The following NID2 variants were observed in gnomAD, a reference collection of about 807,000 sequenced individuals.
NID2 encodes nidogen-2.
In NID2, 83 loss-of-function variants were observed where a neutral mutation model predicts 145.4. That is an observed-to-expected ratio of 0.57 (90% CI 0.48 to 0.69). The LOEUF is 0.69. Among genes scored for constraint, NID2 ranks in the 30% least tolerant of loss-of-function variants. NID2 has a pLI of 0.00. For missense variants in NID2, 1,807 were observed against 1,765.7 expected (o/e 1.02, Z -0.42); for synonymous variants, 739 against 701.3 (o/e 1.05, Z -0.85).
In NID2 at chr14:52,005,300, T is replaced by C. The variant is rs1890722124; in HGVS notation, c.*186A>G. ...CAATAACAACCTTCATTTTTAAAAA[T>C]ACAGTAGTAAAGATTGAGGTATCAG... On this transcript the variant is annotated 3_prime_UTR_variant, in exon 22 of 22. Coordinates refer to ENST00000216286, the MANE Select transcript of NID2 (RefSeq NM_007361.4). The C allele has an allele frequency of 4.6e-6, 2 of 433,550 alleles. No individual in the cohort carries two copies. Among genetic ancestry groups the C allele is most frequent in the Non-Finnish European group, 8.0e-6 (2 of 251,222 alleles). 26.9% of individuals were successfully genotyped at this position (433,550 alleles called of 1,614,324 possible).
chr14:52,023,896 T>C (rs929995091), intron 12 of NID2, among the ~76,000 whole-genome samples: 14 of 152,142 alleles, frequency 9.2e-5, no homozygotes, highest in African/African-American at 3.4e-4. Context: ...CCACACCCCC[T>C]TATTGTTAGT....
chr14:52,011,919 G>A (rs1792382996), intron 16 of NID2: 1 of 474,436 alleles, frequency 2.1e-6, no homozygotes, highest in East Asian at 3.7e-5. Flanking sequence ...GCAAAATGAG[G>A]CCAATAGTGT....
rs572159857 is a variant in NID2, at chr14:52,060,150, A to G, written c.741T>C (p.Thr247=). Residue 247 remains threonine, a synonymous_variant, in exon 3 of 22, where the codon ACT becomes ACC. Transcript: ENST00000216286. ...SEGPYFSLTS[T]EQSVKNLYQL... ...GATAGAGATTTTTCACAGACTGTTC[A>G]GTGCTAGTCAAGCTGAAATATGGTC... 6 of 1,612,386 alleles carry G rather than the reference A, an allele frequency of 3.7e-6. No individual in the cohort carries two copies. The Admixed American group carries it at 5.0e-5, about 13-fold the overall frequency.
At chr14:52,028,596 A>AC (rs1238291162) in intron 11 of NID2, 126 bp downstream of exon 11, 7 of 1,121,546 alleles carry the variant, frequency 6.2e-6, no homozygotes, top group Non-Finnish European at 8.7e-6. Flanking sequence ...TTTTGATGTA[A>AC]ACTGTCTTCT....
At chr14:52,020,344 C>G in intron 12 of NID2, 166 bp from the exon 13 acceptor site, 1 of 1,151,102 alleles carries the variant, frequency 8.7e-7, no homozygotes, top group East Asian at 2.9e-5. Flanking sequence ...TAAAGGTAAG[C>G]TTAATAGAAA....
chr14:52,014,275 A>C lies in NID2; in HGVS notation c.3420+12T>G. On this transcript the variant is annotated intron_variant, in intron 16 of 21. Transcript: ENST00000216286. ...ACGCAGCCCTGCCCCCTACAGGAGA[A>C]ATCCACTTTACATGCAGAGACAGCA... 6.2e-7 allele frequency: 1 copy of C among 1,614,226 alleles called. No individual in the cohort carries two copies. Among genetic ancestry groups the C allele is most frequent in the Non-Finnish European group, 8.5e-7 (1 of 1,180,040 alleles).
intron 5 of NID2, among the ~76,000 whole-genome samples, chr14:52,045,730 G>GT (rs1417893413): frequency 6.6e-6 from 1 of 152,136 alleles, no homozygotes; most frequent in African/African-American, 2.4e-5. Flanking sequence ...TCACAACTAA[G>GT]TGTAAGGAAG....
At chr14:52,065,951 G>A (rs993346633) in intron 2 of NID2, among the ~76,000 whole-genome samples, 1 of 148,120 alleles carries the variant, frequency 6.8e-6, no homozygotes, top group East Asian at 2.0e-4. Context: ...TGTGAATAGT[G>A]CCGCAATAAA....
intron 9 of NID2, among the ~76,000 whole-genome samples, chr14:52,032,799 T>TAAAA (rs781499914): frequency 1.7e-4 from 3 of 17,480 alleles, no homozygotes; most frequent in African/African-American, 3.6e-4. Flanking sequence ...TGCTAGGCAT[T>TAAAA]AAAAGAAAAA....
intron 5 of NID2, among the ~76,000 whole-genome samples, chr14:52,046,216 G>A (rs1038592694): frequency 2.6e-5 from 4 of 151,722 alleles, no homozygotes; most frequent in Non-Finnish European, 5.9e-5. Context: ...CCAGCTACTC[G>A]GGAGGCTGAG....
chr14:52,005,542 T>C (rs749280143), intron 21 of NID2, 46 bp from the exon 22 acceptor site: 20 of 1,584,680 alleles, frequency 1.3e-5, no homozygotes, highest in East Asian at 2.2e-5. Flanking sequence ...GGTGAGTATA[T>C]TGTAACCAAG....
intron 3 of NID2, among the ~76,000 whole-genome samples, chr14:52,057,064 G>T (rs1036850872): frequency 1.3e-5 from 2 of 152,106 alleles, no homozygotes; most frequent in African/African-American, 4.8e-5. Flanking sequence ...TAGAGGTAGG[G>T]TCTCCCTCTG....
intron 14 of NID2, 33 bp downstream of exon 14, chr14:52,019,028 A>G: frequency 6.4e-7 from 1 of 1,564,188 alleles, no homozygotes; most frequent in Non-Finnish European, 8.8e-7. Context: ...CACCAGTGCC[A>G]TTCTGCTTCT....
chr14:52,059,871 G>C (rs1280802267), intron 3 of NID2, among the ~76,000 whole-genome samples: 1 of 152,152 alleles, frequency 6.6e-6, no homozygotes, highest in Admixed American at 6.5e-5. Flanking sequence ...AGCCTCAGTG[G>C]CTCTACAAAT....
At chr14:52,063,920 A>G (rs1893103560) in intron 2 of NID2, among the ~76,000 whole-genome samples, 1 of 152,194 alleles carries the variant, frequency 6.6e-6, no homozygotes, top group Admixed American at 6.5e-5. Flanking sequence ...CCCTAATACT[A>G]TATCCTTCCT....
chr14:52,006,912 G>T, intron 19 of NID2: 1 of 294,068 alleles, frequency 3.4e-6, no homozygotes. Context: ...GCCAAAGTAG[G>T]GCATTAAACA....
At chr14:52,028,137 T>C (rs539474451) in intron 11 of NID2, among the ~76,000 whole-genome samples, 1 of 152,342 alleles carries the variant, frequency 6.6e-6, no homozygotes, top group Non-Finnish European at 1.5e-5. Flanking sequence ...GTTCATCATC[T>C]TGTTACATGA....
Position 52,051,584 on chromosome 14 carries a change from A to G in NID2, c.1429+1995T>C, listed in dbSNP as rs141141995. Reference sequence around the variant, plus strand: ...TCCCACCCCACAGCTTCCCGGAGGAAGCCCACACTTACCAGACAGACCTCT... The same window carrying G: ...TCCCACCCCACAGCTTCCCGGAGGAGGCCCACACTTACCAGACAGACCTCT... On this transcript the variant is annotated intron_variant, in intron 5 of 21. Coordinates refer to ENST00000216286, the MANE Select transcript of NID2 (RefSeq NM_007361.4). Among the ~76,000 whole-genome samples, 1,051 of 152,312 alleles carry G rather than the reference A, an allele frequency of 6.9e-3. 24 individuals carry two copies. Among genetic ancestry groups the G allele is most frequent in the East Asian group, 0.026 (134 of 5,188 alleles).
chr14:52,007,740 G>A, intron 19 of NID2, 70 bp downstream of exon 19: 4 of 1,339,244 alleles, frequency 3.0e-6, no homozygotes, highest in Non-Finnish European at 3.2e-6. Context: ...TCATTTTGTA[G>A]TAAAATCTGT....
Sources: allele counts gnomAD v4.1 joint callset (sites outside exome capture counted in the v4.1 genomes callset), GRCh38; gene constraint gnomAD v4.1.1; transcripts MANE v1.5; gene names NCBI Gene and HGNC (gene_info 2026-07-23, HGNC 2026-07-21).